The following CYTH3 variants were observed in gnomAD, a reference collection of about 807,000 sequenced individuals.
The protein encoded by CYTH3 is cytohesin-3.
In CYTH3, 23 loss-of-function variants were observed where a neutral mutation model predicts 55.1. The observed-to-expected ratio is 0.42, with a 90% CI of 0.30 to 0.59. The LOEUF (loss-of-function observed/expected upper bound fraction) is 0.59, where lower values mean the gene tolerates loss of function less well. Among genes scored for constraint, CYTH3 ranks in the 20% least tolerant of loss-of-function variants. The probability of loss-of-function intolerance (pLI) is 0.20; values close to 1 mark genes in which losing one functional copy is unlikely to be tolerated. For missense variants in CYTH3, 413 were observed against 524.8 expected (o/e 0.79, Z 2.08); for synonymous variants, 249 against 194.9 (o/e 1.28, Z -2.31).
In CYTH3 at chr7:6,171,141, G is replaced by A. The variant is rs1406176769; in HGVS notation, c.562+61C>T. On this transcript the variant is annotated intron_variant, in intron 7 of 12. Transcript: ENST00000350796. The surrounding 1 kb of genome is among the most constrained non-coding windows in gnomAD (Gnocchi z 6.7). ...ACGCTGGGCTGTGCCCACAGGGGCC[G>A]CCCCCTCCAGAGCTGGAGGCTGTGC... 3.1e-5 allele frequency: 49 copies of A among 1,592,550 alleles called. No homozygotes were observed. The highest frequency in any genetic ancestry group is 1.7e-4 in the South Asian group (15 of 90,586).
intron 1 of CYTH3, among the ~76,000 whole-genome samples, chr7:6,268,292 C>G (rs569305126): frequency 1.3e-5 from 2 of 152,168 alleles, no homozygotes; most frequent in Non-Finnish European, 2.9e-5. Context: ...CTCAGCCTCC[C>G]GCGTAGCTGA....
At chr7:6,199,277 G>C (rs1232977273) in intron 1 of CYTH3, among the ~76,000 whole-genome samples, 1 of 152,156 alleles carries the variant, frequency 6.6e-6, no homozygotes, top group Non-Finnish European at 1.5e-5. Context: ...GGAATTTAAA[G>C]TACTTAAGTG....
chr7:6,230,857 T>A (rs1320921568), intron 1 of CYTH3, among the ~76,000 whole-genome samples: 1 of 152,240 alleles, frequency 6.6e-6, no homozygotes, highest in Non-Finnish European at 1.5e-5. Context: ...AGGTAATGTT[T>A]ATTTTCTTCT....
intron 2 of CYTH3, chr7:6,188,803 T>C (rs1783725438): frequency 6.6e-6 from 1 of 152,198 alleles, no homozygotes; most frequent in Non-Finnish European, 1.5e-5. Context: ...AGCAGGCTGA[T>C]TACTAAGGTC....
intron 1 of CYTH3, among the ~76,000 whole-genome samples, chr7:6,209,324 T>C (rs1583165275): frequency 6.6e-6 from 1 of 152,186 alleles, no homozygotes; most frequent in Non-Finnish European, 1.5e-5. Context: ...ACAAAAAATA[T>C]TGTAAGATCT....
chr7:6,265,876 A>G (rs1287606758), intron 1 of CYTH3, among the ~76,000 whole-genome samples: 1 of 152,142 alleles, frequency 6.6e-6, no homozygotes, highest in Non-Finnish European at 1.5e-5. Context: ...TGGCCTGAGC[A>G]ACTGGAAGAA....
intron 1 of CYTH3, among the ~76,000 whole-genome samples, chr7:6,206,591 C>T (rs1433641901): frequency 6.6e-6 from 1 of 152,180 alleles, no homozygotes; most frequent in Non-Finnish European, 1.5e-5. Flanking sequence ...TCTAGGTACG[C>T]TCAACATTTG....
At chr7:6,255,989 T>G (rs1039282222) in intron 1 of CYTH3, among the ~76,000 whole-genome samples, 1 of 152,050 alleles carries the variant, frequency 6.6e-6, no homozygotes, top group African/African-American at 2.4e-5. Flanking sequence ...GGTCTCGATC[T>G]CCTGACCTCG....
At chr7:6,260,949 A>G (rs1780338131) in intron 1 of CYTH3, among the ~76,000 whole-genome samples, 1 of 152,238 alleles carries the variant, frequency 6.6e-6, no homozygotes. Flanking sequence ...CATTTTAAAT[A>G]GCAAAATTGA....
chr7:6,185,763 C>T lies in CYTH3; in HGVS notation c.249+1287G>A, dbSNP rs550578433. On this transcript the variant is annotated intron_variant, in intron 4 of 12. Coordinates refer to ENST00000350796, the MANE Select transcript of CYTH3 (RefSeq NM_004227.4). ...TACCTGCAGTCCCAGACCTGCAAAC[C>T]GTGAGCAGGAAATAACGACATGCAC... Among the ~76,000 whole-genome samples the T allele has an allele frequency of 5.3e-5, 8 of 151,966 alleles. No homozygotes were observed. In the East Asian group the frequency reaches 5.8e-4, roughly 11 times the overall value.
At chr7:6,193,400 C>T (rs1306952817) in intron 1 of CYTH3, among the ~76,000 whole-genome samples, 1 of 148,766 alleles carries the variant, frequency 6.7e-6, no homozygotes, top group Non-Finnish European at 1.5e-5. Context: ...AAAAAGGAGA[C>T]ATCCACTAAA....
intron 4 of CYTH3, among the ~76,000 whole-genome samples, chr7:6,178,680 C>G (rs561128303): frequency 2.0e-5 from 3 of 152,298 alleles, no homozygotes; most frequent in African/African-American, 7.2e-5. Context: ...TAAACCTCGC[C>G]CTGTGTAAGA....
Position 6,218,001 on chromosome 7 carries a change from G to T in CYTH3, c.35-27470C>A, listed in dbSNP as rs191176286. Among the ~76,000 whole-genome samples the T allele has an allele frequency of 9.9e-5, 15 of 152,014 alleles. 1 individual carries two copies. Among genetic ancestry groups the T allele is most frequent in the Non-Finnish European group, 4.4e-5 (3 of 67,956 alleles). ...AGTTCAAGTCCAGCCTGGGCAACAT[G>T]ACAAAACCTCATCTCTATGAAAAAT... On this transcript the variant is annotated intron_variant, in intron 1 of 12. Transcript: ENST00000350796.
chr7:6,231,997 T>C (rs1344311420), intron 1 of CYTH3, among the ~76,000 whole-genome samples: 3 of 152,220 alleles, frequency 2.0e-5, no homozygotes, highest in African/African-American at 7.2e-5. Flanking sequence ...TGCCCCCGTT[T>C]GCATCTGAGT....
chr7:6,216,966 G>A (rs1282291638), intron 1 of CYTH3, among the ~76,000 whole-genome samples: 4 of 150,776 alleles, frequency 2.7e-5, no homozygotes, highest in Admixed American at 2.0e-4. Context: ...AGGCTGGAGT[G>A]CAGTGGCATT....
intron 1 of CYTH3, among the ~76,000 whole-genome samples, chr7:6,265,203 C>T (rs1406872159): frequency 6.6e-6 from 1 of 151,666 alleles, no homozygotes; most frequent in Non-Finnish European, 1.5e-5. Context: ...AAGGGCAGTC[C>T]CCAAGGTCAG....
In CYTH3 at chr7:6,170,467, A is replaced by G. The variant is rs1783145104; in HGVS notation, c.823+68T>C. On this transcript the variant is annotated intron_variant, in intron 9 of 12. Transcript: ENST00000350796. The surrounding 1 kb of genome is among the most constrained non-coding windows in gnomAD (Gnocchi z 7.8). The stretch of plus-strand genomic sequence containing the variant: ...GGGGCATTCCTACGATGAGCCTGGG[A>G]GGAACCCGAGGGGCTGCTGCCATGG... 2 of 1,437,214 alleles carry G rather than the reference A, an allele frequency of 1.4e-6. No individual in the cohort carries two copies. Among genetic ancestry groups the G allele is most frequent in the African/African-American group, 1.4e-5 (1 of 70,588 alleles). The allele number at this position is 1,437,214 out of a possible 1,614,324, so 89.0% of individuals were successfully genotyped here.
intron 1 of CYTH3, among the ~76,000 whole-genome samples, chr7:6,229,040 C>G (rs541419576): frequency 2.0e-5 from 3 of 152,090 alleles, no homozygotes; most frequent in African/African-American, 2.4e-5. Context: ...AACCACACCC[C>G]CTCTGAGCAG....
At chr7:6,255,550 G>C (rs1473711229) in intron 1 of CYTH3, among the ~76,000 whole-genome samples, 1 of 152,020 alleles carries the variant, frequency 6.6e-6, no homozygotes, top group Non-Finnish European at 1.5e-5. Flanking sequence ...GAAGAAGCTG[G>C]GCTGAGGACC....
Sources: gnomAD v4.1 joint callset for allele counts (sites outside exome capture counted in the v4.1 genomes callset) on GRCh38, gnomAD v4.1.1 for gene constraint, Gnocchi (gnomAD v3.1) non-coding constraint, MANE v1.5 for transcripts, NCBI Gene and HGNC (gene_info 2026-07-23, HGNC 2026-07-21) for gene names.